Variants in RFX3 observed in about 807,000 individuals in gnomAD.
RFX3 encodes regulatory factor X3, also known as transcription factor RFX3.
RFX3 carries 14 observed loss-of-function variants against 98.6 expected under a neutral mutation model. That is an observed-to-expected ratio of 0.14 (90% CI 0.09 to 0.22). The LOEUF is 0.22. RFX3 is among the 10% of genes least tolerant of loss of function. The probability of loss-of-function intolerance (pLI) is 1.00; values close to 1 mark genes in which losing one functional copy is unlikely to be tolerated. For missense variants in RFX3, 639 were observed against 926.9 expected, an observed-to-expected ratio of 0.69 and a Z score of 4.03; for synonymous variants, 383 against 328.4, an observed-to-expected ratio of 1.17 and a Z score of -1.80.
chr9:3,447,925 C>G (rs1346720077), intron 1 of RFX3, among the ~76,000 whole-genome samples: 1 of 152,052 alleles, frequency 6.6e-6, no homozygotes, highest in Non-Finnish European at 1.5e-5. Context: ...ATCAGGCAAG[C>G]CTAATATACT....
chr9:3,410,039 A>ACT (rs980357411), intron 1 of RFX3, among the ~76,000 whole-genome samples: 1 of 152,092 alleles, frequency 6.6e-6, no homozygotes, highest in African/African-American at 2.4e-5. Context: ...GGAAAGAAAT[A>ACT]CTCATATAAC....
At chr9:3,460,348 C>T (rs1181194228) in intron 1 of RFX3, among the ~76,000 whole-genome samples, 1 of 151,978 alleles carries the variant, frequency 6.6e-6, no homozygotes, top group African/African-American at 2.4e-5. Context: ...AATTTAAGAA[C>T]ACAAATCCTC....
At chr9:3,401,966 T>A (rs559649519) in intron 1 of RFX3, among the ~76,000 whole-genome samples, 2 of 152,214 alleles carry the variant, frequency 1.3e-5, no homozygotes, top group African/African-American at 2.4e-5. Flanking sequence ...GCAAAGCAAA[T>A]GTGTTTGGAA....
intron 4 of RFX3, among the ~76,000 whole-genome samples, chr9:3,313,119 G>A (rs961476781): frequency 6.6e-6 from 1 of 152,196 alleles, no homozygotes; most frequent in Non-Finnish European, 1.5e-5. Flanking sequence ...CTTCCCAGTA[G>A]GGGCCGACTG....
At chr9:3,309,269 G>GA (rs1181901472) in intron 4 of RFX3, among the ~76,000 whole-genome samples, 1 of 152,068 alleles carries the variant, frequency 6.6e-6, no homozygotes, top group Non-Finnish European at 1.5e-5. Context: ...ACACCAGGGA[G>GA]AAAAAACACA....
At chr9:3,293,040 G>C (rs760883191) in intron 6 of RFX3, 37 bp downstream of exon 6, 1 of 1,501,520 alleles carries the variant, frequency 6.7e-7, no homozygotes, top group Non-Finnish European at 9.1e-7. Context: ...GTTTGAAAAA[G>C]AGAGATTAGT....
chr9:3,455,820 T>C (rs1847099204), intron 1 of RFX3, among the ~76,000 whole-genome samples: 2 of 152,226 alleles, frequency 1.3e-5, no homozygotes, highest in Non-Finnish European at 2.9e-5. Flanking sequence ...ATGAATACAA[T>C]GGTATCTTCT....
intron 1 of RFX3, among the ~76,000 whole-genome samples, chr9:3,503,198 T>C (rs1816240121): frequency 1.3e-5 from 2 of 152,166 alleles, no homozygotes; most frequent in South Asian, 4.1e-4. Flanking sequence ...CACAGCTGAC[T>C]CACTTCAGAC....
chr9:3,280,185 G>A (rs1028593532), intron 7 of RFX3, among the ~76,000 whole-genome samples: 3 of 151,804 alleles, frequency 2.0e-5, no homozygotes, highest in African/African-American at 7.2e-5. Context: ...ACCTCTGCAA[G>A]CCAGAAGCAT....
intron 9 of RFX3, among the ~76,000 whole-genome samples, chr9:3,274,999 T>C (rs1463390223): frequency 6.6e-6 from 1 of 152,138 alleles, no homozygotes; most frequent in Non-Finnish European, 1.5e-5. Context: ...CTTTTTCTTT[T>C]AACTTTAAAT....
At chr9:3,398,037 A>G (rs1251505846) in intron 1 of RFX3, among the ~76,000 whole-genome samples, 4 of 152,286 alleles carry the variant, frequency 2.6e-5, no homozygotes, top group Admixed American at 1.3e-4. Context: ...TATGTGGGAA[A>G]CTTCCTTCCA....
chr9:3,225,998 G>A (rs111709998), intron 16 of RFX3, among the ~76,000 whole-genome samples: 1,526 of 151,574 alleles, frequency 0.01, 9 homozygotes, highest in African/African-American at 0.014. Flanking sequence ...ATTGTAATAC[G>A]TTTTATATTA....
intron 6 of RFX3, 126 bp downstream of exon 6, chr9:3,292,951 C>G: frequency 1.5e-6 from 1 of 677,254 alleles, no homozygotes; most frequent in Non-Finnish European, 2.4e-6. Flanking sequence ...ATGTTATAAA[C>G]TGAGCTCATT....
At chr9:3,321,281 C>A (rs1831281954) in intron 4 of RFX3, among the ~76,000 whole-genome samples, 1 of 152,122 alleles carries the variant, frequency 6.6e-6, no homozygotes, top group African/African-American at 2.4e-5. Context: ...ACAGTATTAT[C>A]AGTATGGTAA....
chr9:3,450,262 A>G (rs962671204), intron 1 of RFX3, among the ~76,000 whole-genome samples: 4 of 152,264 alleles, frequency 2.6e-5, no homozygotes, highest in African/African-American at 9.6e-5. Flanking sequence ...ACCTCAGATT[A>G]AGAAAATCTC....
intron 1 of RFX3, among the ~76,000 whole-genome samples, chr9:3,436,586 A>C (rs1251554629): frequency 1.3e-5 from 2 of 152,156 alleles, no homozygotes; most frequent in African/African-American, 4.8e-5. Flanking sequence ...ATGGACACTT[A>C]GTTCCAAAAT....
At chr9:3,404,238 C>T (rs1051314049) in intron 1 of RFX3, among the ~76,000 whole-genome samples, 2 of 152,104 alleles carry the variant, frequency 1.3e-5, no homozygotes, top group Non-Finnish European at 2.9e-5. Context: ...TCTGAAAACA[C>T]TTGCTGTAAA....
intron 15 of RFX3, among the ~76,000 whole-genome samples, chr9:3,246,835 G>A (rs1820741872): frequency 1.3e-5 from 2 of 152,102 alleles, no homozygotes; most frequent in Admixed American, 6.5e-5. Context: ...ATCATCAACA[G>A]GGAACATCAT....
chr9:3,425,796 A>C (rs963896257), intron 1 of RFX3, among the ~76,000 whole-genome samples: 5 of 152,216 alleles, frequency 3.3e-5, no homozygotes, highest in African/African-American at 1.2e-4. Context: ...ACCATGAGGT[A>C]TTGTACCTTA....
Sources: gnomAD v4.1 joint callset for allele counts (sites outside exome capture counted in the v4.1 genomes callset) on GRCh38, gnomAD v4.1.1 for gene constraint, MANE v1.5 for transcripts, NCBI Gene and HGNC (gene_info 2026-07-23, HGNC 2026-07-21) for gene names.